The following ZNF488 variants were observed in gnomAD, a reference collection of about 807,000 sequenced individuals.
ZNF488 encodes zinc finger protein 488.
ZNF488 carries 1 observed loss-of-function variant against 1.2 expected under a neutral mutation model. The observed-to-expected ratio is 0.86, with a 90% CI of 0.30 to 4.07. The LOEUF is 4.07. Ranked by LOEUF, ZNF488 falls within the 30% of genes most tolerant of loss-of-function variation. The pLI is 0.18. For synonymous variants in ZNF488, 185 were observed against 190.1 expected (o/e 0.97, Z 0.22); for missense variants, 450 against 437.9 (o/e 1.03, Z -0.25).
intron 1 of ZNF488, among the ~76,000 whole-genome samples, chr10:47,373,851 GAA>G (rs1425996108): frequency 7.2e-5 from 11 of 152,212 alleles, no homozygotes; most frequent in African/African-American, 2.4e-4. Context: ...GCATGGCGAG[GAA>G]GGACGGCCCA....
intron 1 of ZNF488, among the ~76,000 whole-genome samples, chr10:47,377,038 T>C (rs782754663): frequency 6.6e-6 from 1 of 152,226 alleles, no homozygotes; most frequent in Non-Finnish European, 1.5e-5. Context: ...GTGTTGCCGC[T>C]ATCACCTACT....
In ZNF488 at chr10:47,365,804, A is replaced by T. The variant is rs1181877622; in HGVS notation, c.*2003T>A. 6.0e-6 allele frequency: 1 copy of T among 167,162 alleles called. No individual in the cohort carries two copies. Among genetic ancestry groups the T allele is most frequent in the African/African-American group, 2.4e-5 (1 of 41,458 alleles). The allele number at this position is 167,162 out of a possible 1,614,324, so 10.4% of individuals were successfully genotyped here. A position where few individuals can be genotyped will look rare whatever the true frequency, so the allele number is the denominator to read the frequency against. On this transcript the variant is annotated 3_prime_UTR_variant, in exon 2 of 2. Coordinates refer to ENST00000585316, the MANE Select transcript of ZNF488 (RefSeq NM_153034.4). Reference sequence around the variant, plus strand: ...CCATAGCAGGAGCAGCACCATGAAGAGCTAGATAGAAAATGTTGAATGAAG... The same window carrying T: ...CCATAGCAGGAGCAGCACCATGAAGTGCTAGATAGAAAATGTTGAATGAAG...
At chr10:47,371,460 A>G (rs1837462618) in intron 1 of ZNF488, among the ~76,000 whole-genome samples, 1 of 152,206 alleles carries the variant, frequency 6.6e-6, no homozygotes, top group South Asian at 2.1e-4. Flanking sequence ...ACACCATATA[A>G]CATATAGTAT....
chr10:47,368,211 G>A lies in ZNF488; in HGVS notation c.619C>T (p.Leu207Phe). 1 of 1,614,212 alleles carries A rather than the reference G, an allele frequency of 6.2e-7. No individual in the cohort carries two copies. Among genetic ancestry groups the A allele is most frequent in the Non-Finnish European group, 8.5e-7 (1 of 1,180,034 alleles). The change falls in exon 2 of 2, where the codon CTT becomes TTT. Residue 207 changes from leucine to phenylalanine, a missense_variant. Leu to Phe is a conservative substitution (Grantham distance 22). Coordinates refer to ENST00000585316, the MANE Select transcript of ZNF488 (RefSeq NM_153034.4). ...NTTDLACWGR[L>F]STPKLLVGDL... ...CCAACCAAAAGCTTGGGAGTTGAAA[G>A]TCGACCCCAACAAGCGAGGTCTGTA...
intron 1 of ZNF488, among the ~76,000 whole-genome samples, chr10:47,378,325 C>T (rs1837774461): frequency 1.3e-5 from 2 of 152,162 alleles, no homozygotes. Context: ...TGGTATCAGC[C>T]CTGCTGGGAT....
At chr10:47,376,602 G>A (rs1262518577) in intron 1 of ZNF488, among the ~76,000 whole-genome samples, 6 of 152,074 alleles carry the variant, frequency 3.9e-5, no homozygotes, top group Admixed American at 6.5e-5. Flanking sequence ...TACTCCCACC[G>A]TGCAAAGTCA....
chr10:47,367,921 C>T lies in ZNF488; in HGVS notation c.909G>A (p.Ala303=), dbSNP rs782339068. ...HMRSHHKKEH[A]GPDPHSQKRR... is the part of the protein sequence containing the mutation. ...GCTTCTGAGAATGTGGGTCAGGCCCCGCATGCTCCTTTTTGTGGTGGGATC... is the reference window on the plus strand; with the variant it reads ...GCTTCTGAGAATGTGGGTCAGGCCCTGCATGCTCCTTTTTGTGGTGGGATC... Residue 303 remains alanine (A), a synonymous_variant, in exon 2 of 2, where the codon GCG becomes GCA. Coordinates refer to ENST00000585316, the MANE Select transcript of ZNF488 (RefSeq NM_153034.4). The T allele has an allele frequency of 3.1e-6, 5 of 1,613,972 alleles. No individual in the cohort carries two copies. Among genetic ancestry groups the T allele is most frequent in the South Asian group, 1.1e-5 (1 of 91,080 alleles).
chr10:47,367,478 G>C lies in ZNF488; in HGVS notation c.*329C>G. The C allele has an allele frequency of 2.8e-6, 1 of 357,956 alleles. No homozygotes were observed. The highest frequency in any genetic ancestry group is 5.4e-5 in the South Asian group (1 of 18,464). The allele number at this position is 357,956 out of a possible 1,614,324, so 22.2% of individuals were successfully genotyped here. On this transcript the variant is annotated 3_prime_UTR_variant, in exon 2 of 2. Coordinates refer to ENST00000585316, the MANE Select transcript of ZNF488 (RefSeq NM_153034.4). ...TTAAAGCTCTTTGTCCAGGGTCACA[G>C]CTAGTATGTGAAAGAGCCCAGATTC... is the stretch of plus-strand genomic sequence containing the variant.
intron 1 of ZNF488, among the ~76,000 whole-genome samples, chr10:47,381,220 G>T (rs1837936907): frequency 6.6e-6 from 1 of 152,292 alleles, no homozygotes. Context: ...CTTATTCAGA[G>T]ACACCATGTA....
In ZNF488 at chr10:47,368,361, T is replaced by G; in HGVS notation, c.469A>C (p.Ser157Arg). Residue 157 changes from serine to arginine, a missense_variant, in exon 2 of 2, where the codon AGT (serine) becomes CGT (arginine). By Grantham distance (110) the Ser-to-Arg change is moderately radical. Transcript: ENST00000585316. ...VFSVWPSGARSEQRSAFSKPT... is the reference protein window; with the variant it reads ...VFSVWPSGARREQRSAFSKPT... Reference sequence around the variant, plus strand: ...TTGCTAAAGGCGCTTCTTTGCTCACTTCGTGCTCCGCTGGGCCACACAGAG... The same window carrying G: ...TTGCTAAAGGCGCTTCTTTGCTCACGTCGTGCTCCGCTGGGCCACACAGAG... 6.2e-7 allele frequency: 1 copy of G among 1,614,202 alleles called. No homozygotes were observed. The highest frequency in any genetic ancestry group is 8.5e-7 in the Non-Finnish European group (1 of 1,180,036).
intron 1 of ZNF488, among the ~76,000 whole-genome samples, chr10:47,374,374 G>A (rs1350771196): frequency 2.0e-5 from 3 of 152,170 alleles, no homozygotes; most frequent in South Asian, 2.1e-4. Flanking sequence ...CTCTTCTAAT[G>A]TTCATGAATA....
intron 1 of ZNF488, among the ~76,000 whole-genome samples, chr10:47,376,270 T>C (rs892641220): frequency 3.3e-5 from 5 of 152,162 alleles, no homozygotes; most frequent in Admixed American, 1.3e-4. Context: ...TGTTGATGGA[T>C]GAATACGAGT....
At chr10:47,380,105 T>C (rs1400261174) in intron 1 of ZNF488, among the ~76,000 whole-genome samples, 2 of 152,284 alleles carry the variant, frequency 1.3e-5, no homozygotes, top group East Asian at 1.9e-4. Flanking sequence ...AGATGCTTTG[T>C]GGTCGTCAGC....
At chr10:47,375,733 AC>A (rs1187504004) in intron 1 of ZNF488, among the ~76,000 whole-genome samples, 1 of 152,186 alleles carries the variant, frequency 6.6e-6, no homozygotes, top group African/African-American at 2.4e-5. Flanking sequence ...TGAAAATATC[AC>A]CCAAAATCCA....
In ZNF488 at chr10:47,367,678, G is replaced by T; in HGVS notation, c.*129C>A. 9.4e-7 allele frequency: 1 copy of T among 1,062,436 alleles called. No individual in the cohort carries two copies. The highest frequency in any genetic ancestry group is 1.4e-6 in the Non-Finnish European group (1 of 735,916). The allele number at this position is 1,062,436 out of a possible 1,614,324, so 65.8% of individuals were successfully genotyped here. A position where few individuals can be genotyped will look rare whatever the true frequency, so the allele number is the denominator to read the frequency against. ...GGCTTTTTCAAATTATGCCTGAGCTGTTTATCTATGAATGCCAAAAGCAGC... is the reference window on the plus strand; with the variant it reads ...GGCTTTTTCAAATTATGCCTGAGCTTTTTATCTATGAATGCCAAAAGCAGC... On this transcript the variant is annotated 3_prime_UTR_variant, in exon 2 of 2. Coordinates refer to ENST00000585316, the MANE Select transcript of ZNF488 (RefSeq NM_153034.4).
Position 47,368,374 on chromosome 10 carries a change from G to A in ZNF488, c.456C>T (p.Pro152=). 6.2e-7 allele frequency: 1 copy of A among 1,614,146 alleles called. No homozygotes were observed. The highest frequency in any genetic ancestry group is 8.5e-7 in the Non-Finnish European group (1 of 1,180,038). Residue 152 remains proline, a synonymous_variant, in exon 2 of 2, where the codon CCC becomes CCT. Coordinates refer to ENST00000585316, the MANE Select transcript of ZNF488 (RefSeq NM_153034.4). The part of the protein sequence containing the change: ...PAGSKVFSVW[P]SGARSEQRSA... ...TTCTTTGCTCACTTCGTGCTCCGCT[G>A]GGCCACACAGAGAAGACTTTGCTGC...
rs147270501 is a variant in ZNF488, at chr10:47,368,116, T to C, written c.714A>G (p.Thr238=). 24 of 1,614,008 alleles carry C rather than the reference T, an allele frequency of 1.5e-5. No homozygotes were observed. The African/African-American group carries it at 3.2e-4, about 22-fold the overall frequency. The change falls in exon 2 of 2, where the codon ACA becomes ACG. Residue 238 remains threonine, a synonymous_variant. Coordinates refer to ENST00000585316, the MANE Select transcript of ZNF488 (RefSeq NM_153034.4). Reference sequence around the variant, plus strand: ...GGGCCTGGGTATGCTCCAGCCACAGTGTAGGGGCACCCAGAAAAGTGCTAC... The same window carrying C: ...GGGCCTGGGTATGCTCCAGCCACAGCGTAGGGGCACCCAGAAAAGTGCTAC... ...PLCSTFLGAP[T]LWLEHTQAQV... is the part of the protein sequence containing the mutation.
intron 1 of ZNF488, among the ~76,000 whole-genome samples, chr10:47,373,524 G>T (rs1555214092): frequency 6.6e-6 from 1 of 152,156 alleles, no homozygotes; most frequent in Non-Finnish European, 1.5e-5. Flanking sequence ...GAAATGAGTG[G>T]GAACATAATG....
At chr10:47,383,307 T>C (rs1036835014) in intron 1 of ZNF488, among the ~76,000 whole-genome samples, 1 of 152,230 alleles carries the variant, frequency 6.6e-6, no homozygotes, top group Non-Finnish European at 1.5e-5. Flanking sequence ...GGCAACTACA[T>C]ATTTTAGAAA....
Sources: gnomAD v4.1 joint callset for allele counts (sites outside exome capture counted in the v4.1 genomes callset) on GRCh38, gnomAD v4.1.1 for gene constraint, MANE v1.5 for transcripts, NCBI Gene and HGNC (gene_info 2026-07-23, HGNC 2026-07-21) for gene names.